DNMBP: variants seen among roughly 807,000 people sequenced by gnomAD.
DNMBP encodes the protein dynamin-binding protein.
A neutral mutation model predicts 150.0 loss-of-function variants in DNMBP; 87 were observed. The ratio of observed to expected loss-of-function variants is 0.58; its 90% CI spans 0.49 to 0.69. The LOEUF is 0.69. Ranked by LOEUF, DNMBP falls within the 30% of genes least tolerant of loss-of-function variation. The pLI is 0.00. For missense variants in DNMBP, 1,774 were observed against 1,949.0 expected, an observed-to-expected ratio of 0.91 and a Z score of 1.69; for synonymous variants, 711 against 750.4, an observed-to-expected ratio of 0.95 and a Z score of 0.86.
chr10:100,004,613 G>A (rs1211048082), intron 1 of DNMBP, among the ~76,000 whole-genome samples: 1 of 152,080 alleles, frequency 6.6e-6, no homozygotes, highest in Non-Finnish European at 1.5e-5. Context: ...GAAAAATAGG[G>A]CTGGATTCCT....
rs188186545 is a variant in DNMBP, at chr10:99,985,824, C to T, written c.-10-13690G>A. 7.9e-5 allele frequency among the ~76,000 whole-genome samples: 12 copies of T among 152,308 alleles called. No individual in the cohort carries two copies. The South Asian group carries it at 2.5e-3, about 32-fold the overall frequency. Reference sequence around the variant, plus strand: ...GGAGTGCAGTGACGCAATCTCAGCTCACTGCAACCTCTGCCTCCTGCACTC... The same window carrying T: ...GGAGTGCAGTGACGCAATCTCAGCTTACTGCAACCTCTGCCTCCTGCACTC... On this transcript the variant is annotated intron_variant, in intron 1 of 16. Transcript: ENST00000324109.
intron 4 of DNMBP, among the ~76,000 whole-genome samples, chr10:99,944,125 C>G (rs992681149): frequency 6.6e-6 from 1 of 152,224 alleles, no homozygotes; most frequent in South Asian, 2.1e-4. Context: ...CGGAACTGAC[C>G]CACACCGAAA....
chr10:99,994,375 T>C (rs184638489), intron 1 of DNMBP, among the ~76,000 whole-genome samples: 1 of 152,268 alleles, frequency 6.6e-6, no homozygotes, highest in African/African-American at 2.4e-5. Context: ...ATGTCAGCAA[T>C]GAGAACAGTG....
At position 99,960,120 on chromosome 10, in the gene DNMBP, G is replaced by T. The variant is rs553059607; in HGVS notation, c.269-2915C>A. Among the ~76,000 whole-genome samples, 7 of 152,266 alleles carry T rather than the reference G, an allele frequency of 4.6e-5. No individual in the cohort carries two copies. The East Asian group carries it at 1.2e-3, about 25-fold the overall frequency. On this transcript the variant is annotated intron_variant, in intron 3 of 16. Coordinates refer to ENST00000324109, the MANE Select transcript of DNMBP (RefSeq NM_015221.4). ...TTATTGTAGAAGAAGTTGAGGTAAAGAAAGGATAAGAGCACAGTATATGTT... is the reference window on the plus strand; with the variant it reads ...TTATTGTAGAAGAAGTTGAGGTAAATAAAGGATAAGAGCACAGTATATGTT...
intron 6 of DNMBP, among the ~76,000 whole-genome samples, chr10:99,906,536 C>A (rs2039827283): frequency 6.6e-6 from 1 of 152,196 alleles, no homozygotes; most frequent in Non-Finnish European, 1.5e-5. Flanking sequence ...TTATAGAAGA[C>A]TCTGTGGCTC....
chr10:99,891,107 AG>A (rs2039549246), intron 11 of DNMBP, among the ~76,000 whole-genome samples: 2 of 152,194 alleles, frequency 1.3e-5, no homozygotes, highest in Non-Finnish European at 2.9e-5. Context: ...ACTTAAAAAA[AG>A]ATTTTAAAAT....
At chr10:99,968,276 C>T (rs1399066370) in intron 3 of DNMBP, among the ~76,000 whole-genome samples, 1 of 152,170 alleles carries the variant, frequency 6.6e-6, no homozygotes, top group African/African-American at 2.4e-5. Context: ...ATCAAAATTC[C>T]TGCTCTACTA....
intron 11 of DNMBP, among the ~76,000 whole-genome samples, chr10:99,890,317 TAGTC>T (rs1564718373): frequency 6.6e-6 from 1 of 152,226 alleles, no homozygotes. Context: ...TTCTCGCTGT[TAGTC>T]AATCTAATTT....
chr10:99,905,997 C>T (rs1476929299), intron 6 of DNMBP, among the ~76,000 whole-genome samples: 2 of 152,168 alleles, frequency 1.3e-5, no homozygotes, highest in Non-Finnish European at 2.9e-5. Context: ...AGTACCTAAA[C>T]CTCAGAGGGC....
chr10:99,907,948 G>T (rs1336482806), intron 6 of DNMBP, 47 bp downstream of exon 6: 1 of 1,452,526 alleles, frequency 6.9e-7, no homozygotes, highest in Non-Finnish European at 9.6e-7. Flanking sequence ...TCCTGCCCAT[G>T]AAGTTTTTTT....
chr10:99,978,897 TTTTTTAAAG>T (rs2040755985), intron 1 of DNMBP, among the ~76,000 whole-genome samples: 1 of 152,114 alleles, frequency 6.6e-6, no homozygotes, highest in Non-Finnish European at 1.5e-5. Flanking sequence ...TTATTTTTGT[TTTTTTAAAG>T]TACCTTTTTC....
chr10:99,957,427 G>T (rs1247755139), intron 3 of DNMBP: 27 of 575,474 alleles, frequency 4.7e-5, no homozygotes, highest in Non-Finnish European at 8.3e-5. Flanking sequence ...GGGTCTCCAA[G>T]ATCCTAGCAG....
At chr10:100,008,719 T>C (rs569062618) in intron 1 of DNMBP, among the ~76,000 whole-genome samples, 1 of 152,322 alleles carries the variant, frequency 6.6e-6, no homozygotes, top group East Asian at 1.9e-4. Context: ...TTTAATTCAA[T>C]ATTTTAGAGA....
At chr10:100,005,450 G>T (rs758065046) in intron 1 of DNMBP, among the ~76,000 whole-genome samples, 1 of 152,056 alleles carries the variant, frequency 6.6e-6, no homozygotes, top group Non-Finnish European at 1.5e-5. Flanking sequence ...AATATGGATG[G>T]ATCTTAAAAA....
intron 10 of DNMBP, 56 bp from the exon 11 acceptor site, chr10:99,895,106 T>A: frequency 1.2e-6 from 1 of 839,058 alleles, no homozygotes; most frequent in Non-Finnish European, 1.8e-6. Context: ...TTAATCTTAC[T>A]GGCAAAAGTA....
intron 3 of DNMBP, among the ~76,000 whole-genome samples, chr10:99,965,069 C>G (rs573840905): frequency 1.5e-3 from 231 of 152,118 alleles, no homozygotes; most frequent in African/African-American, 5.2e-3. Context: ...AAACAAGATA[C>G]CCAAAGCACA....
chr10:99,992,816 G>A (rs368228907), intron 1 of DNMBP, among the ~76,000 whole-genome samples: 7 of 152,062 alleles, frequency 4.6e-5, no homozygotes, highest in East Asian at 1.9e-4. Flanking sequence ...ATAAGACACC[G>A]CATCCGGCCG....
At position 100,006,120 on chromosome 10, in the gene DNMBP, A is replaced by G. The variant is rs78249049; in HGVS notation, c.-11+3718T>C. ...AGTAACAGCTTTTCATCCTTTTTCA[A>G]TCAGGAAGGGAAAATTCAGGGATCA... On this transcript the variant is annotated intron_variant, in intron 1 of 16. Transcript: ENST00000324109. Among the ~76,000 whole-genome samples, 30 of 152,320 alleles carry G rather than the reference A, an allele frequency of 2.0e-4. No individual in the cohort carries two copies. In the East Asian group the frequency reaches 5.8e-3, roughly 29 times the overall value.
At chr10:99,945,169 CAAAAACAAA>C (rs1452883299) in intron 4 of DNMBP, among the ~76,000 whole-genome samples, 2 of 151,252 alleles carry the variant, frequency 1.3e-5, no homozygotes, top group African/African-American at 4.9e-5. Flanking sequence ...CTTTCTAAAT[CAAAAACAAA>C]AAAAACAAAA....
Sources: gnomAD v4.1 joint callset for allele counts (sites outside exome capture counted in the v4.1 genomes callset) on GRCh38, gnomAD v4.1.1 for gene constraint, MANE v1.5 for transcripts, NCBI Gene and HGNC (gene_info 2026-07-23, HGNC 2026-07-21) for gene names.